Variants in MCTP1 observed in about 807,000 individuals in gnomAD.
MCTP1 encodes the protein multiple C2 and transmembrane domain containing 1.
Under a neutral mutation model 120.6 loss-of-function variants are expected in MCTP1, and 69 were observed. The observed-to-expected ratio is 0.57, with a 90% CI of 0.47 to 0.70. MCTP1 has a LOEUF of 0.70. MCTP1 is among the 30% of genes least tolerant of loss of function. The pLI, the probability that MCTP1 is intolerant of heterozygous loss-of-function variation, is 0.00. For synonymous variants in MCTP1, 529 were observed against 493.1 expected, an observed-to-expected ratio of 1.07 and a Z score of -0.96; for missense variants, 1,203 against 1,248.8, an observed-to-expected ratio of 0.96 and a Z score of 0.55.
At chr5:94,866,322 T>TC (rs1273285149) in intron 17 of MCTP1, among the ~76,000 whole-genome samples, 1 of 151,872 alleles carries the variant, frequency 6.6e-6, no homozygotes, top group Non-Finnish European at 1.5e-5. Flanking sequence ...CTTATAGAAC[T>TC]CCCAGTGCAG....
rs746280485 is a variant in MCTP1 at position 94,909,228 on chromosome 5, C to G, written c.1652+23G>C. Reference sequence around the variant, plus strand: ...TAATAAAAATGCTCTAGGAGTGAACCAAAAATTACAAATTGCACAAACCTG... The same window carrying G: ...TAATAAAAATGCTCTAGGAGTGAACGAAAAATTACAAATTGCACAAACCTG... On this transcript the variant is annotated intron_variant, in intron 10 of 22. Transcript: ENST00000515393. The G allele has an allele frequency of 4.3e-6, 7 of 1,610,728 alleles. No homozygotes were observed. The South Asian group carries it at 6.6e-5, about 15-fold the overall frequency.
chr5:94,909,424 T>A (rs1372331745), intron 9 of MCTP1, 43 bp from the exon 10 acceptor site: 59 of 1,559,122 alleles, frequency 3.8e-5, no homozygotes, highest in Non-Finnish European at 4.7e-5. Context: ...AGCAGCTTTT[T>A]AAAAAAAACT....
chr5:94,968,722 C>G (rs577219102), intron 2 of MCTP1, among the ~76,000 whole-genome samples: 8 of 152,246 alleles, frequency 5.3e-5, no homozygotes, highest in Middle Eastern at 6.8e-3. Context: ...TAAAGAGAGG[C>G]CTGTGGTTCT....
rs1020400978 is a variant in MCTP1 at position 94,849,438 on chromosome 5, T to C, written c.2436+18895A>G. 4.6e-5 allele frequency among the ~76,000 whole-genome samples: 7 copies of C among 152,244 alleles called. No individual in the cohort carries two copies. The South Asian group carries it at 1.2e-3, about 27-fold the overall frequency. On this transcript the variant is annotated intron_variant, in intron 17 of 22. Transcript: ENST00000515393. Reference sequence around the variant, plus strand: ...TGCCGTTTATTTCTTCTGCCTAAAATGTTTGTTTACCATTGTTTACCATCT... The same window carrying C: ...TGCCGTTTATTTCTTCTGCCTAAAACGTTTGTTTACCATTGTTTACCATCT...
chr5:95,015,338 C>T lies in MCTP1; in HGVS notation c.838+2029G>A, dbSNP rs550547380. ...GATGAGATTATTGTTATGGGTTCCT[C>T]CCACATCCTGGTTGATTTTAATTAT... On this transcript the variant is annotated intron_variant, in intron 2 of 22. Coordinates refer to ENST00000515393, the MANE Select transcript of MCTP1 (RefSeq NM_024717.7). 9.2e-5 allele frequency among the ~76,000 whole-genome samples: 14 copies of T among 152,096 alleles called. No homozygotes were observed. In the East Asian group the frequency reaches 2.5e-3, roughly 27 times the overall value.
chr5:95,057,292 G>A (rs1221188279), intron 1 of MCTP1, among the ~76,000 whole-genome samples: 1 of 151,942 alleles, frequency 6.6e-6, no homozygotes, highest in Non-Finnish European at 1.5e-5. Flanking sequence ...TAAATGGGCA[G>A]TACAAGCCAT....
intron 1 of MCTP1, among the ~76,000 whole-genome samples, chr5:95,094,884 T>C (rs1756110153): frequency 6.6e-6 from 1 of 152,036 alleles, no homozygotes; most frequent in Non-Finnish European, 1.5e-5. Flanking sequence ...CTTTCTGTAG[T>C]ATACAAACAC....
chr5:94,834,625 T>C (rs1789286238), intron 17 of MCTP1, among the ~76,000 whole-genome samples: 1 of 152,028 alleles, frequency 6.6e-6, no homozygotes, highest in African/African-American at 2.4e-5. Context: ...TGGCAGGCCA[T>C]TATGAGAAAG....
chr5:94,998,108 A>G (rs554526291), intron 2 of MCTP1, among the ~76,000 whole-genome samples: 8 of 152,274 alleles, frequency 5.3e-5, no homozygotes, highest in African/African-American at 1.4e-4. Context: ...CTGAAAATAT[A>G]TTCTTAAAAG....
chr5:94,760,055 A>C (rs558692285), intron 19 of MCTP1, among the ~76,000 whole-genome samples: 1 of 152,062 alleles, frequency 6.6e-6, no homozygotes, highest in South Asian at 2.1e-4. Context: ...TCTGGAAAAA[A>C]AATCAAGTAA....
At chr5:94,958,341 A>C (rs955125407) in intron 2 of MCTP1, among the ~76,000 whole-genome samples, 20 of 152,300 alleles carry the variant, frequency 1.3e-4, no homozygotes, top group African/African-American at 4.8e-4. Flanking sequence ...TGACGCCCTA[A>C]CATCACAATT....
chr5:94,966,449 T>C (rs1825613068), intron 2 of MCTP1, among the ~76,000 whole-genome samples: 1 of 152,154 alleles, frequency 6.6e-6, no homozygotes, highest in Non-Finnish European at 1.5e-5. Flanking sequence ...CTCCATTTTA[T>C]AGATGAGAAA....
intron 18 of MCTP1, among the ~76,000 whole-genome samples, chr5:94,787,628 T>TTTTG (rs1249561722): frequency 6.6e-6 from 1 of 151,828 alleles, no homozygotes; most frequent in African/African-American, 2.4e-5. Flanking sequence ...TTTTGTTTTT[T>TTTTG]TTTTTTGAGA....
At chr5:94,726,083 C>G (rs1424443818) in intron 19 of MCTP1, among the ~76,000 whole-genome samples, 1 of 152,170 alleles carries the variant, frequency 6.6e-6, no homozygotes, top group Non-Finnish European at 1.5e-5. Flanking sequence ...ACTATTCACA[C>G]GAGGGTGATG....
chr5:94,852,246 T>C (rs2153225139), intron 17 of MCTP1, among the ~76,000 whole-genome samples: 1 of 152,116 alleles, frequency 6.6e-6, no homozygotes, highest in East Asian at 1.9e-4. Context: ...ATTCATATTT[T>C]GTTCAGTCAG....
Position 94,815,650 on chromosome 5 carries a change from G to T in MCTP1, c.2437-16518C>A, listed in dbSNP as rs192477127. 2.0e-5 allele frequency among the ~76,000 whole-genome samples: 3 copies of T among 152,274 alleles called. No individual in the cohort carries two copies. The East Asian group carries it at 5.8e-4, about 29-fold the overall frequency. ...ATTTCTCGCTCTAATAAAGACATCC[G>T]CTCAGTGGCAACTCTGGATTCAGGG... On this transcript the variant is annotated intron_variant, in intron 17 of 22. Coordinates refer to ENST00000515393, the MANE Select transcript of MCTP1 (RefSeq NM_024717.7).
At chr5:94,998,493 C>T (rs897382484) in intron 2 of MCTP1, among the ~76,000 whole-genome samples, 4 of 151,652 alleles carry the variant, frequency 2.6e-5, no homozygotes, top group Admixed American at 6.6e-5. Flanking sequence ...TCTGGTAGAC[C>T]GCCTGACAAT....
intron 1 of MCTP1, among the ~76,000 whole-genome samples, chr5:95,208,789 G>T (rs546757849): frequency 6.6e-6 from 1 of 151,546 alleles, no homozygotes; most frequent in African/African-American, 2.4e-5. Flanking sequence ...CTATTTCAAT[G>T]GACTATTCTT....
chr5:95,189,568 A>G (rs1366682874), intron 1 of MCTP1, among the ~76,000 whole-genome samples: 1 of 152,092 alleles, frequency 6.6e-6, no homozygotes, highest in African/African-American at 2.4e-5. Context: ...GGCATCTTTG[A>G]TCCTGGTCAG....
Sources: gnomAD v4.1 joint callset for allele counts (sites outside exome capture counted in the v4.1 genomes callset) on GRCh38, gnomAD v4.1.1 for gene constraint, MANE v1.5 for transcripts, NCBI Gene and HGNC (gene_info 2026-07-23, HGNC 2026-07-21) for gene names.